C6: variants seen among roughly 807,000 people sequenced by gnomAD.
The protein encoded by C6 is complement component C6.
A neutral mutation model predicts 112.9 loss-of-function variants in C6; 101 were observed. That is an observed-to-expected ratio of 0.89 (90% CI 0.76 to 1.06). The LOEUF (loss-of-function observed/expected upper bound fraction) is 1.06. C6 is among the 50% of genes least tolerant of loss of function. The pLI is 0.00. For synonymous variants in C6, 431 were observed against 384.1 expected (o/e 1.12, Z -1.43); for missense variants, 1,202 against 1,104.6 (o/e 1.09, Z -1.25).
intron 17 of C6, among the ~76,000 whole-genome samples, chr5:41,147,636 G>T (rs538185473): frequency 6.6e-6 from 1 of 152,298 alleles, no homozygotes; most frequent in South Asian, 2.1e-4. Context: ...GCAAAAGTAA[G>T]GTGGTTTCAG....
At chr5:41,208,155 A>T (rs1751590177) in intron 1 of C6, among the ~76,000 whole-genome samples, 1 of 152,220 alleles carries the variant, frequency 6.6e-6, no homozygotes, top group Admixed American at 6.5e-5. Context: ...AGAAATAAAG[A>T]TGTTCTTTGA....
rs1749464870 is a variant in C6 at position 41,182,878 on chromosome 5, A to G, written c.727-1319T>C. 2.0e-5 allele frequency among the ~76,000 whole-genome samples: 3 copies of G among 152,228 alleles called. No individual in the cohort carries two copies. The South Asian group carries it at 6.2e-4, about 32-fold the overall frequency. ...GTTAAAGATTAGCTCAGGTAGCTTCATAAGGTTGGACAAGTCTTAGAGCTA... is the reference window on the plus strand; with the variant it reads ...GTTAAAGATTAGCTCAGGTAGCTTCGTAAGGTTGGACAAGTCTTAGAGCTA... On this transcript the variant is annotated intron_variant, in intron 6 of 17. Transcript: ENST00000337836.
chr5:41,258,287 T>A (rs977471559), intron 1 of C6, among the ~76,000 whole-genome samples: 1 of 152,220 alleles, frequency 6.6e-6, no homozygotes, highest in African/African-American at 2.4e-5. Flanking sequence ...TTTCATAAAC[T>A]TCTTTATTCT....
At chr5:41,153,752 C>T in intron 15 of C6, 58 bp downstream of exon 15, 1 of 1,281,796 alleles carries the variant, frequency 7.8e-7, no homozygotes, top group Non-Finnish European at 1.1e-6. Context: ...AGAGGCTATA[C>T]TACCAATCTC....
chr5:41,226,246 A>T (rs1372881333), intron 1 of C6, among the ~76,000 whole-genome samples: 1 of 152,224 alleles, frequency 6.6e-6, no homozygotes, highest in South Asian at 2.1e-4. Context: ...GAACTCAAAC[A>T]AATTTACAAG....
chr5:41,167,860 A>T (rs1484277817), intron 9 of C6, among the ~76,000 whole-genome samples: 1 of 152,308 alleles, frequency 6.6e-6, no homozygotes, highest in East Asian at 1.9e-4. Context: ...ACAATACTTC[A>T]AGGCAATCAG....
intron 1 of C6, among the ~76,000 whole-genome samples, chr5:41,231,104 G>A (rs949847573): frequency 3.3e-5 from 5 of 151,934 alleles, no homozygotes; most frequent in African/African-American, 1.2e-4. Context: ...TGACTCTCTT[G>A]TAGACAGCCT....
intron 9 of C6, among the ~76,000 whole-genome samples, chr5:41,170,700 T>C (rs1003878201): frequency 5.3e-5 from 8 of 152,066 alleles, no homozygotes; most frequent in Non-Finnish European, 1.2e-4. Context: ...AAATTATCTG[T>C]TTATTATTAT....
At chr5:41,151,865 A>C (rs905708128) in intron 15 of C6, among the ~76,000 whole-genome samples, 6 of 152,152 alleles carry the variant, frequency 3.9e-5, no homozygotes, top group Non-Finnish European at 8.8e-5. Context: ...TAAGGAAAAA[A>C]AAAAAAAGTC....
At chr5:41,223,800 A>C (rs1051255616) in intron 1 of C6, among the ~76,000 whole-genome samples, 4 of 151,982 alleles carry the variant, frequency 2.6e-5, no homozygotes, top group Admixed American at 1.3e-4. Context: ...TTAATATTTC[A>C]ACAATGTTTC....
chr5:41,154,729 C>T (rs1746730780), intron 14 of C6, among the ~76,000 whole-genome samples: 1 of 152,174 alleles, frequency 6.6e-6, no homozygotes, highest in South Asian at 2.1e-4. Context: ...GAAGTGCATA[C>T]TTCACAGTCC....
At chr5:41,253,395 G>A (rs1741484229) in intron 1 of C6, among the ~76,000 whole-genome samples, 1 of 152,114 alleles carries the variant, frequency 6.6e-6, no homozygotes, top group African/African-American at 2.4e-5. Flanking sequence ...CTCTCTCTGT[G>A]TAGCTCTCTC....
chr5:41,181,601 T>TA, intron 6 of C6, 42 bp from the exon 7 acceptor site: 1 of 1,481,266 alleles, frequency 6.8e-7, no homozygotes, highest in Non-Finnish European at 9.4e-7. Flanking sequence ...ATTTAGGAAA[T>TA]ACTGGAGCGA....
intron 1 of C6, among the ~76,000 whole-genome samples, chr5:41,224,709 C>T (rs1439451549): frequency 6.6e-6 from 1 of 151,942 alleles, no homozygotes; most frequent in Non-Finnish European, 1.5e-5. Flanking sequence ...CTGCTGGGAA[C>T]ATTTGTGTAC....
At chr5:41,195,771 T>C (rs1162804814) in intron 5 of C6, 21 bp downstream of exon 5, 2 of 1,612,014 alleles carry the variant, frequency 1.2e-6, no homozygotes, top group Admixed American at 1.7e-5. Context: ...CTCCCCAAGA[T>C]GATAAAAAGA....
intron 1 of C6, among the ~76,000 whole-genome samples, chr5:41,233,386 G>T (rs1388669139): frequency 1.3e-5 from 2 of 152,152 alleles, no homozygotes; most frequent in East Asian, 1.9e-4. Context: ...TCTACAAAAA[G>T]TGTAAATGGG....
chr5:41,214,803 A>G (rs1752137684), upstream of C6, among the ~76,000 whole-genome samples: 1 of 152,136 alleles, frequency 6.6e-6, no homozygotes, highest in African/African-American at 2.4e-5. Flanking sequence ...TAATACAGAG[A>G]GATGCAAAGT....
At chr5:41,145,504 T>C (rs896509043) in intron 17 of C6, among the ~76,000 whole-genome samples, 7 of 152,326 alleles carry the variant, frequency 4.6e-5, no homozygotes, top group African/African-American at 1.7e-4. Flanking sequence ...CCAAAATACC[T>C]GAGTCAGCGT....
intron 1 of C6, among the ~76,000 whole-genome samples, chr5:41,227,431 T>C (rs1739590845): frequency 6.6e-6 from 1 of 152,186 alleles, no homozygotes; most frequent in South Asian, 2.1e-4. Context: ...GATTGTTATC[T>C]TGACTGTGCA....
Sources: gnomAD v4.1 joint callset for allele counts (sites outside exome capture counted in the v4.1 genomes callset) on GRCh38, gnomAD v4.1.1 for gene constraint, MANE v1.5 for transcripts, NCBI Gene and HGNC (gene_info 2026-07-23, HGNC 2026-07-21) for gene names.